The following POU2F1 variants were observed in gnomAD, a reference collection of about 807,000 sequenced individuals.
POU2F1 encodes POU class 2 homeobox 1, also known as POU domain, class 2, transcription factor 1.
A neutral mutation model predicts 84.9 loss-of-function variants in POU2F1; 16 were observed. The ratio of observed to expected loss-of-function variants is 0.19; its 90% confidence interval spans 0.13 to 0.29. The LOEUF is 0.29. POU2F1 is among the 10% of genes least tolerant of loss of function. POU2F1 has a pLI of 1.00. For missense variants in POU2F1, 738 were observed against 942.6 expected, an observed-to-expected ratio of 0.78 and a Z score of 2.84; for synonymous variants, 368 against 368.3, an observed-to-expected ratio of 1.00 and a Z score of 0.01.
chr1:167,276,526 G>A (rs1478366197), intron 1 of POU2F1, among the ~76,000 whole-genome samples: 1 of 152,120 alleles, frequency 6.6e-6, no homozygotes, highest in Non-Finnish European at 1.5e-5. Flanking sequence ...GTCTTGGAAT[G>A]TGCCCCCCAC....
intron 1 of POU2F1, among the ~76,000 whole-genome samples, chr1:167,222,518 A>G (rs1648309764): frequency 6.6e-6 from 1 of 151,822 alleles, no homozygotes; most frequent in Admixed American, 6.6e-5. Context: ...GGGCTCTGAG[A>G]TCAAACCCAG....
At position 167,250,270 on chromosome 1, in the gene POU2F1, G is replaced by C. The variant is rs987345957; in HGVS notation, c.61+29312G>C. On this transcript the variant is annotated intron_variant, in intron 1 of 15. Coordinates refer to ENST00000367866, the MANE Select transcript of POU2F1 (RefSeq NM_002697.4). ...TTTGATTGTTAGAATTGTTTAGGTTGTTAGAATTCTGGTTGTTAGAATTGT... is the reference window on the plus strand; with the variant it reads ...TTTGATTGTTAGAATTGTTTAGGTTCTTAGAATTCTGGTTGTTAGAATTGT... Among the ~76,000 whole-genome samples the C allele has an allele frequency of 4.6e-5, 7 of 152,268 alleles. No homozygotes were observed. In the South Asian group the frequency reaches 1.2e-3, roughly 27 times the overall value.
At chr1:167,398,375 A>G (rs535605685) in intron 11 of POU2F1, among the ~76,000 whole-genome samples, 1 of 152,304 alleles carries the variant, frequency 6.6e-6, no homozygotes, top group Admixed American at 6.5e-5. Flanking sequence ...GCAGCTTACC[A>G]TAGGATACAT....
At position 167,412,012 on chromosome 1, in the gene POU2F1, CCAGCTTCCT is replaced by C. The variant is rs748587920; in HGVS notation, c.1614_1622del (p.Ser539_Ala541del). 3 of 1,614,052 alleles carry C rather than the reference CCAGCTTCCT, an allele frequency of 1.9e-6. No homozygotes were observed. The African/African-American group carries it at 4.0e-5, about 22-fold the overall frequency. On this transcript the variant is annotated inframe_deletion, in exon 14 of 16. Transcript: ENST00000367866. ...AGCAACCGTGATTTCCACAGCGCCT[CCAGCTTCCT>C]CAGCAGTCACGTCCCCCTCTCTGAG...
At chr1:167,337,829 G>A (rs1657576727) in intron 2 of POU2F1, 1 of 262,230 alleles carries the variant, frequency 3.8e-6, no homozygotes, top group Admixed American at 4.8e-5. Context: ...TGATTAGTAA[G>A]GAAAGACATG....
At chr1:167,303,872 A>G (rs1407930145) in intron 1 of POU2F1, among the ~76,000 whole-genome samples, 1 of 152,118 alleles carries the variant, frequency 6.6e-6, no homozygotes, top group Non-Finnish European at 1.5e-5. Context: ...ATATAAATAT[A>G]TTTTTATATC....
chr1:167,239,041 T>C (rs992688385), intron 1 of POU2F1, among the ~76,000 whole-genome samples: 2 of 152,214 alleles, frequency 1.3e-5, no homozygotes, highest in African/African-American at 2.4e-5. Context: ...TCCACCATTC[T>C]TTTTTGTGTA....
intron 1 of POU2F1, among the ~76,000 whole-genome samples, chr1:167,264,615 T>A (rs1651806509): frequency 6.6e-6 from 1 of 152,218 alleles, no homozygotes; most frequent in African/African-American, 2.4e-5. Flanking sequence ...TATCCAAAAT[T>A]CAGCCACTTC....
rs1386183933 is a variant in POU2F1 at position 167,422,291 on chromosome 1, C to T, written c.*6481C>T. On this transcript the variant is annotated 3_prime_UTR_variant, in exon 16 of 16. Transcript: ENST00000367866. The stretch of plus-strand genomic sequence containing the variant: ...AGACATGCACCAATTAATTTGGAGC[C>T]AAGAGGTGAGTGATTGATGTATCTT... 6.6e-6 allele frequency: 1 copy of T among 151,714 alleles called. No individual in the cohort carries two copies. Among genetic ancestry groups the T allele is most frequent in the African/African-American group, 2.4e-5 (1 of 40,992 alleles). 9.4% of individuals were successfully genotyped at this position (151,714 alleles called of 1,614,324 possible).
chr1:167,241,949 A>G (rs1264337843), intron 1 of POU2F1, among the ~76,000 whole-genome samples: 3 of 152,218 alleles, frequency 2.0e-5, no homozygotes, highest in African/African-American at 4.8e-5. Flanking sequence ...AAACGCAGCT[A>G]TGTGAGGAAG....
intron 1 of POU2F1, among the ~76,000 whole-genome samples, chr1:167,260,663 A>G (rs1477288784): frequency 6.6e-6 from 1 of 152,190 alleles, no homozygotes; most frequent in Non-Finnish European, 1.5e-5. Flanking sequence ...GAGTTTCCAC[A>G]TATACACATG....
intron 2 of POU2F1, among the ~76,000 whole-genome samples, chr1:167,364,519 G>A (rs1571375237): frequency 2.4e-5 from 2 of 82,810 alleles, no homozygotes; most frequent in South Asian, 5.3e-4. Context: ...GACAGAGCGA[G>A]CTCCGTCTCA....
In POU2F1 at chr1:167,312,183, C is replaced by A. The variant is rs138698880; in HGVS notation, c.62-20287C>A. ...GAACTCCTCACCTTATGATCCACCC[C>A]CCTTGGCCTCCCAAAGTGCTGGGAT... On this transcript the variant is annotated intron_variant, in intron 1 of 15. Transcript: ENST00000367866. 9.2e-5 allele frequency among the ~76,000 whole-genome samples: 14 copies of A among 151,888 alleles called. No homozygotes were observed. In the East Asian group the frequency reaches 2.5e-3, roughly 28 times the overall value.
chr1:167,423,389 T>C lies in POU2F1; in HGVS notation c.*7579T>C, dbSNP rs1485662287. 1 of 152,236 alleles carries C rather than the reference T, an allele frequency of 6.6e-6. No individual in the cohort carries two copies. The highest frequency in any genetic ancestry group is 1.5e-5 in the Non-Finnish European group (1 of 68,046). The allele number at this position is 152,236 out of a possible 1,614,324, so 9.4% of individuals were successfully genotyped here. ...CATGAAAGCTTTACTAATAATCTTATTGTTCTGACATTATGTAAAGGTGGT... is the reference window on the plus strand; with the variant it reads ...CATGAAAGCTTTACTAATAATCTTACTGTTCTGACATTATGTAAAGGTGGT... On this transcript the variant is annotated 3_prime_UTR_variant, in exon 16 of 16. Coordinates refer to ENST00000367866, the MANE Select transcript of POU2F1 (RefSeq NM_002697.4).
At chr1:167,249,556 G>A (rs1051654756) in intron 1 of POU2F1, among the ~76,000 whole-genome samples, 3 of 152,300 alleles carry the variant, frequency 2.0e-5, no homozygotes, top group African/African-American at 7.2e-5. Context: ...GTCTTGACAG[G>A]AATGTCATTC....
At chr1:167,387,866 A>G (rs768933388) in intron 8 of POU2F1, among the ~76,000 whole-genome samples, 1 of 152,228 alleles carries the variant, frequency 6.6e-6, no homozygotes, top group Non-Finnish European at 1.5e-5. Flanking sequence ...ATGTCCCAAA[A>G]TAAACTATAC....
chr1:167,326,842 C>G (rs1656740940), intron 1 of POU2F1, among the ~76,000 whole-genome samples: 1 of 152,084 alleles, frequency 6.6e-6, no homozygotes, highest in African/African-American at 2.4e-5. Flanking sequence ...TATGAAAGAC[C>G]ACACTCACAG....
At chr1:167,353,683 A>T (rs1658739561) in intron 2 of POU2F1, among the ~76,000 whole-genome samples, 1 of 152,096 alleles carries the variant, frequency 6.6e-6, no homozygotes, top group African/African-American at 2.4e-5. Flanking sequence ...TGCAATCTGG[A>T]TGTGTACCCA....
chr1:167,223,747 G>A (rs1648417174), intron 1 of POU2F1, among the ~76,000 whole-genome samples: 1 of 152,100 alleles, frequency 6.6e-6, no homozygotes. Flanking sequence ...AAAATCTGTA[G>A]CTTTTAAGAG....
Sources: gnomAD v4.1 joint callset for allele counts (sites outside exome capture counted in the v4.1 genomes callset) on GRCh38, gnomAD v4.1.1 for gene constraint, MANE v1.5 for transcripts, NCBI Gene and HGNC (gene_info 2026-07-23, HGNC 2026-07-21) for gene names.